Variants in UBA6 observed in about 807,000 individuals in gnomAD.
UBA6 encodes the protein ubiquitin-like modifier-activating enzyme 6.
A neutral mutation model predicts 148.3 loss-of-function variants in UBA6; 87 were observed. The ratio of observed to expected loss-of-function variants is 0.59; its 90% confidence interval spans 0.49 to 0.70. The LOEUF is 0.70. UBA6 is among the 30% of genes least tolerant of loss of function. The pLI, the probability that UBA6 is intolerant of heterozygous loss-of-function variation, is 0.00. For synonymous variants in UBA6, 376 were observed against 401.0 expected (o/e 0.94, Z 0.75); for missense variants, 1,186 against 1,241.2 (o/e 0.96, Z 0.67).
In UBA6 at chr4:67,673,863, T is replaced by C. The variant is rs1379014074; in HGVS notation, c.466-86A>G. 6 of 947,886 alleles carry C rather than the reference T, an allele frequency of 6.3e-6. No individual in the cohort carries two copies. The Admixed American group carries it at 8.0e-5, about 13-fold the overall frequency. 58.7% of individuals were successfully genotyped at this position (947,886 alleles called of 1,614,324 possible). ...ATAATCAGAAGCATGTCAGTTTGCGTTGTGCTAAAGACACATCGCTAATCT... is the reference window on the plus strand; with the variant it reads ...ATAATCAGAAGCATGTCAGTTTGCGCTGTGCTAAAGACACATCGCTAATCT... On this transcript the variant is annotated intron_variant, in intron 6 of 32. Coordinates refer to ENST00000322244, the MANE Select transcript of UBA6 (RefSeq NM_018227.6).
chr4:67,697,087 C>A (rs1477272207), intron 1 of UBA6, among the ~76,000 whole-genome samples: 1 of 152,158 alleles, frequency 6.6e-6, no homozygotes, highest in Admixed American at 6.5e-5. Context: ...CTTACTGCAA[C>A]GTCCACCTCC....
In UBA6 at chr4:67,670,659, C is replaced by A. The variant is rs1442927181; in HGVS notation, c.547-67G>T. 5.8e-6 allele frequency: 7 copies of A among 1,201,270 alleles called. No individual in the cohort carries two copies. The East Asian group carries it at 1.6e-4, about 28-fold the overall frequency. 74.4% of individuals were successfully genotyped at this position (1,201,270 alleles called of 1,614,324 possible). A position where few individuals can be genotyped will look rare whatever the true frequency, so the allele number is the denominator to read the frequency against. On this transcript the variant is annotated intron_variant, in intron 7 of 32. Coordinates refer to ENST00000322244, the MANE Select transcript of UBA6 (RefSeq NM_018227.6). The stretch of plus-strand genomic sequence containing the variant: ...GAAAAAAACACTCTAGTATCTTAGG[C>A]CATTTCATAACAATTTAATTTATAA...
In UBA6 at chr4:67,635,573, AG is replaced by A; in HGVS notation, c.1737-16del. ...CTAAGCAACGACTATTTGAAAAGACAGCAAGTAAAAAACAAAAAAGTGAGCA... is the reference window on the plus strand; with the variant it reads ...CTAAGCAACGACTATTTGAAAAGACACAAGTAAAAAACAAAAAAGTGAGCA... On this transcript the variant is annotated splice_polypyrimidine_tract_variant and intron_variant, in intron 19 of 32. Transcript: ENST00000322244. 6.4e-7 allele frequency: 1 copy of A among 1,563,914 alleles called. No homozygotes were observed. The highest frequency in any genetic ancestry group is 8.8e-7 in the Non-Finnish European group (1 of 1,136,314).
chr4:67,631,953 T>C (rs758827939), intron 23 of UBA6, 45 bp from the exon 24 acceptor site: 21 of 1,539,002 alleles, frequency 1.4e-5, no homozygotes, highest in Admixed American at 2.1e-5. Flanking sequence ...CTTAATATTA[T>C]CTGAGGAAAA....
At chr4:67,621,058 G>C (rs1384901564) in intron 32 of UBA6, among the ~76,000 whole-genome samples, 1 of 152,198 alleles carries the variant, frequency 6.6e-6, no homozygotes, top group Admixed American at 6.5e-5. Flanking sequence ...AATCTTAAAA[G>C]CATTTTTAAA....
chr4:67,680,178 A>G (rs1730398836), intron 4 of UBA6, among the ~76,000 whole-genome samples: 1 of 152,200 alleles, frequency 6.6e-6, no homozygotes, highest in African/African-American at 2.4e-5. Flanking sequence ...TCATGACTGG[A>G]ATTTTTTTCT....
At chr4:67,696,580 G>C (rs752413208) in intron 2 of UBA6, 65 bp downstream of exon 2, 12 of 1,293,430 alleles carry the variant, frequency 9.3e-6, no homozygotes, top group South Asian at 1.3e-5. Context: ...TCTTCAAAGA[G>C]ACTACTTGAT....
rs1474967212 is a variant in UBA6 at position 67,631,838 on chromosome 4, T to C, written c.2194+19A>G. 1 of 1,611,450 alleles carries C rather than the reference T, an allele frequency of 6.2e-7. No homozygotes were observed. Among genetic ancestry groups the C allele is most frequent in the African/African-American group, 1.3e-5 (1 of 74,924 alleles). ...AGTAATAAATGTCATTAAAATTTAT[T>C]CTCAACATTTATACTTACTGCCATC... On this transcript the variant is annotated intron_variant, in intron 24 of 32. Coordinates refer to ENST00000322244, the MANE Select transcript of UBA6 (RefSeq NM_018227.6).
chr4:67,659,063 A>C (rs986207145), intron 13 of UBA6, among the ~76,000 whole-genome samples: 12 of 152,184 alleles, frequency 7.9e-5, no homozygotes, highest in Middle Eastern at 3.2e-3. Context: ...ATAAATCCCT[A>C]ATCACATTCT....
chr4:67,639,154 T>C (rs780429215), intron 18 of UBA6, 30 bp from the exon 19 acceptor site: 7 of 1,549,456 alleles, frequency 4.5e-6, no homozygotes, highest in Non-Finnish European at 5.3e-6. Flanking sequence ...AGAAGGAATA[T>C]GTTAAACAAC....
At chr4:67,673,880 C>T (rs796276397) in intron 6 of UBA6, 103 bp from the exon 7 acceptor site, 60 of 641,764 alleles carry the variant, frequency 9.3e-5, no homozygotes, top group African/African-American at 8.3e-4. Flanking sequence ...AAAGACACAT[C>T]GCTAATCTCA....
intron 1 of UBA6, among the ~76,000 whole-genome samples, chr4:67,698,393 T>C (rs1428998509): frequency 1.3e-5 from 2 of 152,224 alleles, no homozygotes; most frequent in Admixed American, 6.5e-5. Context: ...TTAATAATAA[T>C]AGATAACCCT....
intron 13 of UBA6, among the ~76,000 whole-genome samples, chr4:67,660,577 T>G (rs957810579): frequency 4.6e-5 from 7 of 152,160 alleles, no homozygotes; most frequent in Non-Finnish European, 8.8e-5. Context: ...AGAGGATGTA[T>G]GAAAACACCT....
intron 13 of UBA6, among the ~76,000 whole-genome samples, chr4:67,656,081 G>A (rs751448358): frequency 7.2e-5 from 11 of 152,132 alleles, no homozygotes; most frequent in East Asian, 1.9e-4. Flanking sequence ...AGGACCAGAC[G>A]GATTCAAAGC....
At chr4:67,631,185 G>T (rs1728989286) in intron 25 of UBA6, among the ~76,000 whole-genome samples, 1 of 152,074 alleles carries the variant, frequency 6.6e-6, no homozygotes. Context: ...ACATATGTGA[G>T]ACCTTGTCTC....
chr4:67,670,351 A>G, intron 8 of UBA6, 119 bp downstream of exon 8: 5 of 804,846 alleles, frequency 6.2e-6, no homozygotes, highest in Non-Finnish European at 9.9e-6. Flanking sequence ...TCATTATCTT[A>G]AAACACTGTA....
chr4:67,671,878 C>T (rs966177573), intron 7 of UBA6, among the ~76,000 whole-genome samples: 5 of 152,130 alleles, frequency 3.3e-5, no homozygotes, highest in African/African-American at 1.2e-4. Flanking sequence ...TCACTGTGCA[C>T]CTAATTATGC....
At chr4:67,637,176 T>TG (rs1180475491) in intron 19 of UBA6, among the ~76,000 whole-genome samples, 5 of 139,212 alleles carry the variant, frequency 3.6e-5, no homozygotes, top group East Asian at 2.1e-4. Flanking sequence ...GTCCGGGAGG[T>TG]GGGGGGGCAG....
At chr4:67,668,158 A>C (rs1312898047) in intron 9 of UBA6, among the ~76,000 whole-genome samples, 1 of 152,172 alleles carries the variant, frequency 6.6e-6, no homozygotes, top group African/African-American at 2.4e-5. Context: ...TTGTGAGCTT[A>C]ATTCTCCCTG....
Sources: allele counts gnomAD v4.1 joint callset (sites outside exome capture counted in the v4.1 genomes callset), GRCh38; gene constraint gnomAD v4.1.1; transcripts MANE v1.5; gene names NCBI Gene and HGNC (gene_info 2026-07-23, HGNC 2026-07-21).